The following CDH13 variants were observed in gnomAD, a reference collection of about 807,000 sequenced individuals.
CDH13 encodes cadherin-13.
A neutral mutation model predicts 63.8 loss-of-function variants in CDH13; 24 were observed. The observed-to-expected ratio is 0.38, with a 90% CI of 0.27 to 0.53. CDH13 has a LOEUF of 0.53. Among genes scored for constraint, CDH13 ranks in the 20% least tolerant of loss-of-function variants. CDH13 has a pLI of 0.85. For synonymous variants in CDH13, 503 were observed against 355.3 expected (o/e 1.42, Z -4.67); for missense variants, 1,049 against 903.1 (o/e 1.16, Z -2.07).
chr16:83,714,552 G>C (rs1453975013), intron 10 of CDH13, among the ~76,000 whole-genome samples: 1 of 152,138 alleles, frequency 6.6e-6, no homozygotes. Context: ...TTCTACCTCT[G>C]TAACTAAAGC....
intron 6 of CDH13, among the ~76,000 whole-genome samples, chr16:83,418,061 G>C (rs1178532567): frequency 6.6e-6 from 1 of 152,086 alleles, no homozygotes; most frequent in Non-Finnish European, 1.5e-5. Flanking sequence ...TAATCATGCA[G>C]TAGAACATGG....
At chr16:83,713,789 G>A (rs547293867) in intron 10 of CDH13, among the ~76,000 whole-genome samples, 1 of 152,282 alleles carries the variant, frequency 6.6e-6, no homozygotes, top group East Asian at 1.9e-4. Context: ...AATCAAAACA[G>A]TCCATGCCAG....
intron 8 of CDH13, among the ~76,000 whole-genome samples, chr16:83,656,443 TG>T (rs1912877333): frequency 6.6e-6 from 1 of 152,120 alleles, no homozygotes; most frequent in Admixed American, 6.5e-5. Context: ...CTTACAATCC[TG>T]GATACAGGGC....
intron 11 of CDH13, among the ~76,000 whole-genome samples, chr16:83,760,581 G>C (rs1256266387): frequency 6.6e-6 from 1 of 152,216 alleles, no homozygotes; most frequent in Non-Finnish European, 1.5e-5. Flanking sequence ...AAAGAAGGCT[G>C]AAACAAGAAC....
intron 5 of CDH13, among the ~76,000 whole-genome samples, chr16:83,323,150 C>CTTCT (rs1186380076): frequency 1.2e-5 from 1 of 86,122 alleles, no homozygotes; most frequent in East Asian, 3.7e-4. Context: ...GACCTCCCTA[C>CTTCT]TTCTTTCTTT....
chr16:82,882,502 G>A (rs190397948), intron 2 of CDH13, among the ~76,000 whole-genome samples: 63 of 152,294 alleles, frequency 4.1e-4, no homozygotes, highest in African/African-American at 1.4e-3. Flanking sequence ...TGTGAACCAT[G>A]GTCACCGCTG....
intron 5 of CDH13, among the ~76,000 whole-genome samples, chr16:83,308,494 C>G (rs1187268839): frequency 6.6e-6 from 1 of 152,160 alleles, no homozygotes; most frequent in Non-Finnish European, 1.5e-5. Context: ...ACTCTCCACA[C>G]AAAGGGAGTA....
chr16:83,764,397 C>T (rs753621198), intron 11 of CDH13, among the ~76,000 whole-genome samples: 1 of 152,210 alleles, frequency 6.6e-6, no homozygotes, highest in South Asian at 2.1e-4. Flanking sequence ...TCAGGCAAAT[C>T]AACTATCTTA....
chr16:83,431,035 T>C (rs1407820647), intron 6 of CDH13, among the ~76,000 whole-genome samples: 1 of 148,812 alleles, frequency 6.7e-6, no homozygotes, highest in Non-Finnish European at 1.5e-5. Flanking sequence ...TTCTCATTGT[T>C]CAATTCCCAC....
At chr16:82,892,642 G>A (rs1433162105) in intron 2 of CDH13, among the ~76,000 whole-genome samples, 2 of 152,156 alleles carry the variant, frequency 1.3e-5, no homozygotes, top group African/African-American at 4.8e-5. Context: ...GATCTAAGAA[G>A]TATAACAAAA....
intron 1 of CDH13, among the ~76,000 whole-genome samples, chr16:82,799,253 T>C (rs2036736222): frequency 6.6e-6 from 1 of 152,198 alleles, no homozygotes; most frequent in African/African-American, 2.4e-5. Context: ...ACAGTTCAGT[T>C]CCTTGTACAT....
At chr16:83,460,830 T>G (rs2151523778) in intron 6 of CDH13, among the ~76,000 whole-genome samples, 1 of 120,624 alleles carries the variant, frequency 8.3e-6, no homozygotes, top group South Asian at 3.1e-4. Context: ...AGATGTTGTC[T>G]CTACAAATAA....
chr16:83,054,553 A>T (rs1751517725), intron 3 of CDH13, among the ~76,000 whole-genome samples: 1 of 151,904 alleles, frequency 6.6e-6, no homozygotes, highest in Non-Finnish European at 1.5e-5. Flanking sequence ...CACTACTCAG[A>T]ATGGCTCAGA....
intron 6 of CDH13, among the ~76,000 whole-genome samples, chr16:83,450,058 A>G (rs567778477): frequency 1.3e-5 from 2 of 152,204 alleles, no homozygotes; most frequent in Non-Finnish European, 1.5e-5. Context: ...GCAGAGTTCA[A>G]TGCCGACATC....
At chr16:83,091,532 A>T (rs1376656017) in intron 3 of CDH13, among the ~76,000 whole-genome samples, 1 of 152,144 alleles carries the variant, frequency 6.6e-6, no homozygotes, top group South Asian at 2.1e-4. Flanking sequence ...TTCCTTGGGG[A>T]GGGTACTGAA....
At position 83,792,383 on chromosome 16, in the gene CDH13, TAAAAC is replaced by T. The variant is rs556827439; in HGVS notation, c.2135-2638_2135-2634del. On this transcript the variant is annotated intron_variant, in intron 13 of 13. Coordinates refer to ENST00000567109, the MANE Select transcript of CDH13 (RefSeq NM_001257.5). ...ACTTATGTTATCATCTAAATTGACTTAAAACAGGAATTTGAGACTCTAATTTGAAA... is the reference window on the plus strand; with the variant it reads ...ACTTATGTTATCATCTAAATTGACTTAGGAATTTGAGACTCTAATTTGAAA... Among the ~76,000 whole-genome samples the T allele has an allele frequency of 5.3e-5, 8 of 152,352 alleles. No individual in the cohort carries two copies. In the South Asian group the frequency reaches 8.3e-4, roughly 16 times the overall value.
chr16:83,273,241 C>T (rs914793931), intron 5 of CDH13, among the ~76,000 whole-genome samples: 1 of 151,954 alleles, frequency 6.6e-6, no homozygotes, highest in Non-Finnish European at 1.5e-5. Context: ...GTATAAATTG[C>T]ATGTCACAGA....
At chr16:83,051,112 C>G (rs1338173999) in intron 3 of CDH13, among the ~76,000 whole-genome samples, 2 of 152,110 alleles carry the variant, frequency 1.3e-5, no homozygotes. Context: ...ATCTAATTGA[C>G]TTCCCAAAGA....
intron 10 of CDH13, among the ~76,000 whole-genome samples, chr16:83,739,630 G>T (rs552676351): frequency 3.3e-5 from 5 of 152,194 alleles, no homozygotes; most frequent in African/African-American, 1.2e-4. Context: ...GGATGGGAAT[G>T]TCTGGAGCAG....
Sources: allele counts gnomAD v4.1 joint callset (sites outside exome capture counted in the v4.1 genomes callset), GRCh38; gene constraint gnomAD v4.1.1; transcripts MANE v1.5; gene names NCBI Gene and HGNC (gene_info 2026-07-23, HGNC 2026-07-21).